ESYT2: variants seen among roughly 807,000 people sequenced by gnomAD.
The protein encoded by ESYT2 is extended synaptotagmin-2.
A neutral mutation model predicts 107.2 loss-of-function variants in ESYT2; 54 were observed. That is an observed-to-expected ratio of 0.50 (90% CI 0.40 to 0.63). ESYT2 has a LOEUF of 0.63. ESYT2 is among the 30% of genes least tolerant of loss of function. The pLI, the probability that ESYT2 is intolerant of heterozygous loss-of-function variation, is 0.00. For synonymous variants in ESYT2, 491 were observed against 434.1 expected, an observed-to-expected ratio of 1.13 and a Z score of -1.63; for missense variants, 1,020 against 1,094.5, an observed-to-expected ratio of 0.93 and a Z score of 0.96.
rs1424294350 is a variant in ESYT2 at position 158,763,149 on chromosome 7, T to C, written c.1118A>G (p.His373Arg). ...NEVYEALVYE[H>R]PGQELEIELF... ...CTCAATCTCTAATTCTTGTCCAGGA[T>C]GTTCATACACTAAAGCCTAAAACAT... The change falls in exon 10 of 23, where the codon CAT becomes CGT. Residue 373 changes from histidine to arginine, a missense_variant. By Grantham distance (29) the His-to-Arg change is conservative. Coordinates refer to ENST00000275418, the MANE Select transcript of ESYT2 (RefSeq NM_001367773.1). 1 of 1,613,020 alleles carries C rather than the reference T, an allele frequency of 6.2e-7. No homozygotes were observed.
chr7:158,791,665 T>A (rs562276875), intron 4 of ESYT2, among the ~76,000 whole-genome samples: 12 of 152,374 alleles, frequency 7.9e-5, no homozygotes, highest in African/African-American at 2.9e-4. Flanking sequence ...ATTTTCCTAA[T>A]GGTTAGTGAT....
Position 158,767,705 on chromosome 7 carries a change from A to T in ESYT2, c.873T>A (p.Val291=). 6.2e-7 allele frequency: 1 copy of T among 1,613,446 alleles called. No homozygotes were observed. Among genetic ancestry groups the T allele is most frequent in the Non-Finnish European group, 8.5e-7 (1 of 1,179,644 alleles). ...NYLVLPNRIT[V]PLVSEVQIAQ... ...CTATTTGAACTTCACTGACAAGTGG[A>T]ACGGTGATTCGATTGGGAAGCACCA... is the stretch of plus-strand genomic sequence containing the variant. Residue 291 remains valine, a synonymous_variant, in exon 8 of 23, where the codon GTT becomes GTA. Transcript: ENST00000275418.
chr7:158,786,025 A>T lies in ESYT2; in HGVS notation c.747+1979T>A, dbSNP rs117989160. On this transcript the variant is annotated intron_variant, in intron 6 of 22. Transcript: ENST00000275418. ...AACTCTGTTCTCATATTTTCCAGTAAAATAAACTGAAAATTTTCCTTTTCA... is the reference window on the plus strand; with the variant it reads ...AACTCTGTTCTCATATTTTCCAGTATAATAAACTGAAAATTTTCCTTTTCA... 9.7e-3 allele frequency among the ~76,000 whole-genome samples: 1,483 copies of T among 152,306 alleles called. 18 individuals carry two copies. Among genetic ancestry groups the T allele is most frequent in the Middle Eastern group, 0.02 (6 of 294 alleles).
chr7:158,828,998 C>G, intron 1 of ESYT2, 91 bp downstream of exon 1: 1 of 1,502,188 alleles, frequency 6.7e-7, no homozygotes, highest in Non-Finnish European at 8.8e-7. Context: ...CTCACCCAGG[C>G]GGCAGGTCGC....
chr7:158,771,752 G>A (rs948445739), intron 7 of ESYT2, among the ~76,000 whole-genome samples: 5 of 152,188 alleles, frequency 3.3e-5, no homozygotes, highest in Non-Finnish European at 4.4e-5. Flanking sequence ...TCCCATGCAC[G>A]AGCGGCTGCA....
At chr7:158,785,790 C>T (rs1473612351) in intron 6 of ESYT2, among the ~76,000 whole-genome samples, 1 of 152,220 alleles carries the variant, frequency 6.6e-6, no homozygotes, top group African/African-American at 2.4e-5. Flanking sequence ...CCAACTTCGT[C>T]ACCTCAGCAA....
intron 3 of ESYT2, among the ~76,000 whole-genome samples, chr7:158,796,248 C>T (rs1323127093): frequency 6.6e-6 from 1 of 152,174 alleles, no homozygotes; most frequent in Non-Finnish European, 1.5e-5. Flanking sequence ...ACTGTTGCTA[C>T]TTAAACACTG....
intron 1 of ESYT2, among the ~76,000 whole-genome samples, chr7:158,808,223 C>T (rs1839890019): frequency 6.6e-6 from 1 of 152,226 alleles, no homozygotes; most frequent in South Asian, 2.1e-4. Flanking sequence ...TGGAAACTTC[C>T]AGAAACAAAC....
intron 1 of ESYT2, among the ~76,000 whole-genome samples, chr7:158,815,741 G>A (rs1563039612): frequency 6.6e-6 from 1 of 151,990 alleles, no homozygotes; most frequent in Admixed American, 6.6e-5. Context: ...TCCAACCTCA[G>A]ACACCAGGAC....
intron 1 of ESYT2, among the ~76,000 whole-genome samples, chr7:158,800,237 TG>T (rs1271694323): frequency 6.6e-6 from 1 of 151,828 alleles, no homozygotes; most frequent in Non-Finnish European, 1.5e-5. Context: ...TTAGTAGAGA[TG>T]GGGTTTCACC....
intron 1 of ESYT2, among the ~76,000 whole-genome samples, chr7:158,819,375 A>C (rs1323419359): frequency 6.6e-6 from 1 of 152,232 alleles, no homozygotes; most frequent in Non-Finnish European, 1.5e-5. Context: ...AATATCTCAA[A>C]TTCTATTTTT....
At chr7:158,750,409 T>G (rs1837545473) in intron 14 of ESYT2, among the ~76,000 whole-genome samples, 1 of 152,148 alleles carries the variant, frequency 6.6e-6, no homozygotes, top group South Asian at 2.1e-4. Context: ...GACATGAGGT[T>G]TATTTATAAC....
intron 1 of ESYT2, among the ~76,000 whole-genome samples, chr7:158,812,525 C>T (rs1299101311): frequency 6.6e-6 from 1 of 152,178 alleles, no homozygotes; most frequent in Non-Finnish European, 1.5e-5. Context: ...TAAAATGGTA[C>T]AGGCATTGTG....
At chr7:158,781,305 G>C (rs1318249863) in intron 6 of ESYT2, among the ~76,000 whole-genome samples, 1 of 151,756 alleles carries the variant, frequency 6.6e-6, no homozygotes, top group Admixed American at 6.6e-5. Flanking sequence ...CGGTGTGTGA[G>C]AACAACTGTG....
intron 1 of ESYT2, among the ~76,000 whole-genome samples, chr7:158,821,027 T>A (rs1347205979): frequency 6.6e-6 from 1 of 152,160 alleles, no homozygotes; most frequent in Non-Finnish European, 1.5e-5. Context: ...ATTGGACTAG[T>A]TTCTTAAAAT....
chr7:158,772,679 T>C (rs1045176045), intron 7 of ESYT2, among the ~76,000 whole-genome samples: 13 of 152,270 alleles, frequency 8.5e-5, no homozygotes, highest in Middle Eastern at 3.4e-3. Context: ...TGACTCCTTG[T>C]CTCTAAGCAG....
At position 158,794,557 on chromosome 7, in the gene ESYT2, G is replaced by T. The variant is rs944099516; in HGVS notation, c.508-831C>A. Among the ~76,000 whole-genome samples the T allele has an allele frequency of 9.9e-5, 15 of 152,224 alleles. No homozygotes were observed. The South Asian group carries it at 3.1e-3, about 32-fold the overall frequency. On this transcript the variant is annotated intron_variant, in intron 3 of 22. Coordinates refer to ENST00000275418, the MANE Select transcript of ESYT2 (RefSeq NM_001367773.1). Reference sequence around the variant, plus strand: ...TGTAATCCCCGCACTTTGGCAGGTGGAGGCGGAAGAAACACTTGAGCCTAA... The same window carrying T: ...TGTAATCCCCGCACTTTGGCAGGTGTAGGCGGAAGAAACACTTGAGCCTAA...
chr7:158,734,080 A>G lies in ESYT2; in HGVS notation c.*127T>C. The G allele has an allele frequency of 8.7e-6, 10 of 1,143,446 alleles. No individual in the cohort carries two copies. Among genetic ancestry groups the G allele is most frequent in the Non-Finnish European group, 1.2e-5 (10 of 815,304 alleles). The allele number at this position is 1,143,446 out of a possible 1,614,324, so 70.8% of individuals were successfully genotyped here. ...TGCCTGAAATGTCAACAATTTTATA[A>G]AACTATTAAGGTATGTATAACTAAA... On this transcript the variant is annotated 3_prime_UTR_variant, in exon 23 of 23. Coordinates refer to ENST00000275418, the MANE Select transcript of ESYT2 (RefSeq NM_001367773.1).
At chr7:158,760,642 A>G (rs550062792) in intron 11 of ESYT2, among the ~76,000 whole-genome samples, 1 of 152,364 alleles carries the variant, frequency 6.6e-6, no homozygotes, top group Admixed American at 6.5e-5. Context: ...AACGGAATGT[A>G]CAGGGTAAGA....
Sources: allele counts gnomAD v4.1 joint callset (sites outside exome capture counted in the v4.1 genomes callset), GRCh38; gene constraint gnomAD v4.1.1; transcripts MANE v1.5; gene names NCBI Gene and HGNC (gene_info 2026-07-23, HGNC 2026-07-21).